The following JARID2 variants were observed in gnomAD, a reference collection of about 807,000 sequenced individuals.
JARID2 encodes the protein protein Jumonji.
A neutral mutation model predicts 125.6 loss-of-function variants in JARID2; 21 were observed. That is an observed-to-expected ratio of 0.17 (90% confidence interval 0.12 to 0.24). The LOEUF is 0.24. Among genes scored for constraint, JARID2 ranks in the 10% least tolerant of loss-of-function variants. The pLI is 1.00. For missense variants in JARID2, 1,303 were observed against 1,639.6 expected (o/e 0.79, Z 3.55); for synonymous variants, 736 against 661.6 (o/e 1.11, Z -1.73).
rs933772790 is a variant in JARID2, at chr6:15,353,742, A to G, written c.46-20375A>G. Among the ~76,000 whole-genome samples the G allele has an allele frequency of 2.0e-5, 3 of 152,216 alleles. No homozygotes were observed. The East Asian group carries it at 5.8e-4, about 29-fold the overall frequency. ...CCTCTTCAGGATTTCAATGCAAAAAAAAAAATTCTTTTCAATCAAAACAAT... is the reference window on the plus strand; with the variant it reads ...CCTCTTCAGGATTTCAATGCAAAAAGAAAAATTCTTTTCAATCAAAACAAT... On this transcript the variant is annotated intron_variant, in intron 1 of 17. Coordinates refer to ENST00000341776, the MANE Select transcript of JARID2 (RefSeq NM_004973.4).
chr6:15,408,698 C>T (rs757708534), intron 2 of JARID2, among the ~76,000 whole-genome samples: 1 of 152,150 alleles, frequency 6.6e-6, no homozygotes, highest in Non-Finnish European at 1.5e-5. Context: ...TATTAAATTA[C>T]AATTAAGTAA....
At chr6:15,448,546 C>T (rs1581579140) in intron 3 of JARID2, among the ~76,000 whole-genome samples, 1 of 152,122 alleles carries the variant, frequency 6.6e-6, no homozygotes, top group South Asian at 2.1e-4. Flanking sequence ...GTGCGATTTG[C>T]GTCCATTCAA....
intron 4 of JARID2, among the ~76,000 whole-genome samples, chr6:15,466,301 G>T (rs1463146378): frequency 6.6e-6 from 1 of 152,202 alleles, no homozygotes; most frequent in Non-Finnish European, 1.5e-5. Context: ...CTATTAGAAA[G>T]ATCTACACAA....
intron 17 of JARID2, among the ~76,000 whole-genome samples, chr6:15,517,969 G>T (rs1771646193): frequency 6.6e-6 from 1 of 152,216 alleles, no homozygotes. Flanking sequence ...GACTGTGAGG[G>T]GCCTGGTGTG....
At chr6:15,314,622 C>T (rs770980941) in intron 1 of JARID2, among the ~76,000 whole-genome samples, 2 of 152,080 alleles carry the variant, frequency 1.3e-5, no homozygotes, top group Non-Finnish European at 1.5e-5. Context: ...TAGAAGCGGA[C>T]AGAACCCTGG....
intron 1 of JARID2, among the ~76,000 whole-genome samples, chr6:15,315,462 T>G (rs1762147566): frequency 6.6e-6 from 1 of 152,224 alleles, no homozygotes; most frequent in Non-Finnish European, 1.5e-5. Flanking sequence ...ATAGCTTTGA[T>G]CTTTACTGTG....
chr6:15,429,347 C>T (rs920635812), intron 3 of JARID2, among the ~76,000 whole-genome samples: 8 of 151,832 alleles, frequency 5.3e-5, no homozygotes, highest in African/African-American at 1.9e-4. Context: ...CTAACTACAA[C>T]CTTGGATTCC....
chr6:15,296,004 G>T (rs1205867953), intron 1 of JARID2, among the ~76,000 whole-genome samples: 1 of 152,170 alleles, frequency 6.6e-6, no homozygotes, highest in Non-Finnish European at 1.5e-5. Flanking sequence ...CGCAGAGAAA[G>T]ACCAAGGACT....
In JARID2 at chr6:15,320,883, T is replaced by TGTGTGTG. The variant is rs773153042; in HGVS notation, c.46-53234_46-53233insGTGTGTG. On this transcript the variant is annotated intron_variant, in intron 1 of 17. Transcript: ENST00000341776. ...GTGTGTGTGTGTGTGTGTGTGTGTG[T>TGTGTGTG]TAGTTAAACTTGCATGTGAAGTATG... Among the ~76,000 whole-genome samples the TGTGTGTG allele has an allele frequency of 5.7e-3, 856 of 151,162 alleles. 7 individuals carry two copies. Among genetic ancestry groups the TGTGTGTG allele is most frequent in the South Asian group, 0.032 (148 of 4,696 alleles).
At chr6:15,387,286 G>T (rs1764823293) in intron 2 of JARID2, among the ~76,000 whole-genome samples, 1 of 152,200 alleles carries the variant, frequency 6.6e-6, no homozygotes, top group Admixed American at 6.5e-5. Flanking sequence ...TCTTGCGGCT[G>T]TGGTGAAAGT....
chr6:15,503,465 G>C (rs10949304), intron 8 of JARID2, among the ~76,000 whole-genome samples: 63,747 of 151,822 alleles, frequency 0.42, 13,606 homozygotes, highest in Middle Eastern at 0.5. Flanking sequence ...GCTCCCTGTT[G>C]TGGCCCTATC....
At chr6:15,406,409 C>T (rs1765651705) in intron 2 of JARID2, among the ~76,000 whole-genome samples, 1 of 152,164 alleles carries the variant, frequency 6.6e-6, no homozygotes, top group South Asian at 2.1e-4. Flanking sequence ...GCTCCAGCCT[C>T]ATGACAGAGC....
chr6:15,292,311 G>A (rs538493777), intron 1 of JARID2, among the ~76,000 whole-genome samples: 30 of 152,208 alleles, frequency 2.0e-4, no homozygotes, highest in African/African-American at 6.7e-4. Context: ...GTGAGACACC[G>A]CGCCCAGCTG....
At chr6:15,355,691 A>C (rs561764333) in intron 1 of JARID2, among the ~76,000 whole-genome samples, 1 of 151,956 alleles carries the variant, frequency 6.6e-6, no homozygotes, top group East Asian at 1.9e-4. Context: ...GGCTCACTGC[A>C]ACCTCTGCCT....
At chr6:15,437,245 TTA>T (rs1162803589) in intron 3 of JARID2, among the ~76,000 whole-genome samples, 1 of 152,026 alleles carries the variant, frequency 6.6e-6, no homozygotes, top group African/African-American at 2.4e-5. Flanking sequence ...AGGTCATACT[TTA>T]TGTTGTGAGG....
At chr6:15,425,973 G>A (rs896963512) in intron 3 of JARID2, among the ~76,000 whole-genome samples, 4 of 152,146 alleles carry the variant, frequency 2.6e-5, no homozygotes, top group African/African-American at 7.2e-5. Flanking sequence ...CCTCTTTGAC[G>A]TCCTAATAGC....
chr6:15,489,868 T>TCTCC (rs1249420045), intron 6 of JARID2, among the ~76,000 whole-genome samples: 2 of 152,134 alleles, frequency 1.3e-5, no homozygotes, highest in African/African-American at 4.8e-5. Context: ...TTCCCCACTT[T>TCTCC]CTCCCTCTTC....
intron 17 of JARID2, 55 bp downstream of exon 17, chr6:15,517,323 C>A (rs1771611265): frequency 7.8e-7 from 1 of 1,276,046 alleles, no homozygotes; most frequent in Non-Finnish European, 1.1e-6. Flanking sequence ...CTTCCCTGCT[C>A]CCGGCTGGAT....
At chr6:15,410,917 T>G (rs755451328) in intron 3 of JARID2, among the ~76,000 whole-genome samples, 4 of 152,200 alleles carry the variant, frequency 2.6e-5, no homozygotes, top group Non-Finnish European at 5.9e-5. Flanking sequence ...AAGCTTCAGA[T>G]AGTTTGGTAA....
Sources: gnomAD v4.1 joint callset for allele counts (sites outside exome capture counted in the v4.1 genomes callset) on GRCh38, gnomAD v4.1.1 for gene constraint, MANE v1.5 for transcripts, NCBI Gene and HGNC (gene_info 2026-07-23, HGNC 2026-07-21) for gene names.